The following VGLL4 variants were observed in gnomAD, a reference collection of about 807,000 sequenced individuals.
VGLL4 encodes the protein vestigial like family member 4, also known as transcription cofactor vestigial-like protein 4.
A neutral mutation model predicts 21.0 loss-of-function variants in VGLL4; 7 were observed. The ratio of observed to expected loss-of-function variants is 0.33; its 90% CI spans 0.19 to 0.63. The LOEUF (loss-of-function observed/expected upper bound fraction) is 0.63, where lower values mean the gene tolerates loss of function less well. Ranked by LOEUF, VGLL4 falls within the 20% of genes least tolerant of loss-of-function variation. The pLI, the probability that VGLL4 is intolerant of heterozygous loss-of-function variation, is 0.78. For missense variants in VGLL4, 394 were observed against 425.7 expected (o/e 0.93, Z 0.66); for synonymous variants, 222 against 173.2 (o/e 1.28, Z -2.21).
chr3:11,606,007 C>T (rs1050180720), intron 1 of VGLL4, among the ~76,000 whole-genome samples: 1 of 152,190 alleles, frequency 6.6e-6, no homozygotes, highest in African/African-American at 2.4e-5. Context: ...CTGATAAAGA[C>T]ATACCCGAGA....
rs993922275 is a variant in VGLL4, at chr3:11,568,219, A to G, written c.273-3200T>C. On this transcript the variant is annotated intron_variant, in intron 2 of 4. Transcript: ENST00000430365. The surrounding 1 kb of genome is among the most constrained non-coding windows in gnomAD (Gnocchi z 5.9). ...ATGTCCAAAGCCAAAGTCGTGGTACATAAGGCACTGCCCACCCCTCGCACC... is the reference window on the plus strand; with the variant it reads ...ATGTCCAAAGCCAAAGTCGTGGTACGTAAGGCACTGCCCACCCCTCGCACC... 6.6e-6 allele frequency among the ~76,000 whole-genome samples: 1 copy of G among 152,216 alleles called. No homozygotes were observed. Among genetic ancestry groups the G allele is most frequent in the Non-Finnish European group, 1.5e-5 (1 of 68,036 alleles).
chr3:11,663,327 G>C (rs1224583212), intron 2 of VGLL4, among the ~76,000 whole-genome samples: 2 of 152,266 alleles, frequency 1.3e-5, no homozygotes, highest in Non-Finnish European at 2.9e-5. Flanking sequence ...TACAGAATAA[G>C]TTGGCGTTTA....
chr3:11,577,864 T>C (rs185746297), intron 2 of VGLL4, among the ~76,000 whole-genome samples: 79 of 152,332 alleles, frequency 5.2e-4, no homozygotes, highest in African/African-American at 1.6e-3. Flanking sequence ...CTCGTCCAAC[T>C]ACTGAAAAGG....
At position 11,557,324 on chromosome 3, in the gene VGLL4, A is replaced by G. The variant is rs1247959862; in HGVS notation, c.*1232T>C. 6.8e-6 allele frequency: 1 copy of G among 147,048 alleles called. No individual in the cohort carries two copies. The highest frequency in any genetic ancestry group is 6.6e-5 in the Admixed American group (1 of 15,166). The allele number at this position is 147,048 out of a possible 1,614,324, so 9.1% of individuals were successfully genotyped here. On this transcript the variant is annotated 3_prime_UTR_variant, in exon 5 of 5. Transcript: ENST00000430365. ...CGTACGAGGAAGCGTATAAAACACC[A>G]TATCACAGATTGTCTGTCAGTAATC... is the stretch of plus-strand genomic sequence containing the variant.
chr3:11,580,151 A>G (rs2074184967), intron 2 of VGLL4, among the ~76,000 whole-genome samples: 1 of 152,148 alleles, frequency 6.6e-6, no homozygotes, highest in Admixed American at 6.6e-5. Flanking sequence ...CAAACTCTGC[A>G]CTCATTAAAC....
intron 1 of VGLL4, among the ~76,000 whole-genome samples, chr3:11,604,898 C>G (rs1328874663): frequency 6.9e-6 from 1 of 144,230 alleles, no homozygotes; most frequent in Non-Finnish European, 1.5e-5. Context: ...TCGAAAAAAA[C>G]AAGGGTGACC....
At chr3:11,677,900 T>A (rs2125376563) in intron 2 of VGLL4, among the ~76,000 whole-genome samples, 1 of 118,720 alleles carries the variant, frequency 8.4e-6, no homozygotes, top group African/African-American at 3.0e-5. Context: ...AGAGCAAGAC[T>A]TCGTCTTTCA....
At chr3:11,687,732 T>C (rs1197992847) in intron 2 of VGLL4, among the ~76,000 whole-genome samples, 1 of 152,208 alleles carries the variant, frequency 6.6e-6, no homozygotes. Flanking sequence ...TAGGAGGTTT[T>C]CCCCCATTTA....
At position 11,653,368 on chromosome 3, in the gene VGLL4, T is replaced by C. The variant is rs2075906423; in HGVS notation, c.64+49603A>G. Among the ~76,000 whole-genome samples the C allele has an allele frequency of 6.6e-6, 1 of 152,230 alleles. No individual in the cohort carries two copies. The highest frequency in any genetic ancestry group is 6.5e-5 in the Admixed American group (1 of 15,282). ...CGTAGATCAGTTGTATAACACTTTA[T>C]AGAAAGAGAATCGTATGATGCTAGC... is the stretch of plus-strand genomic sequence containing the variant. On this transcript the variant is annotated intron_variant, in intron 2 of 5. Coordinates refer to the VGLL4 transcript ENST00000273038. The surrounding 1 kb of genome is among the most constrained non-coding windows in gnomAD (Gnocchi z 4.2).
chr3:11,625,906 G>A (rs974979557), intron 1 of VGLL4, among the ~76,000 whole-genome samples: 2 of 152,130 alleles, frequency 1.3e-5, no homozygotes, highest in Non-Finnish European at 2.9e-5. Flanking sequence ...CGGGGGAATG[G>A]AGAGTGAAAC....
intron 1 of VGLL4, among the ~76,000 whole-genome samples, chr3:11,608,310 T>C (rs2074990956): frequency 1.3e-5 from 2 of 152,140 alleles, no homozygotes; most frequent in Admixed American, 1.3e-4. Flanking sequence ...GATAATTTTA[T>C]CTAGGCACAC....
chr3:11,643,543 G>T lies in VGLL4; in HGVS notation c.-25C>A. Reference sequence around the variant, plus strand: ...TTTATTGGGCTAGCAAAGAAAACCAGCTCTTTGCTTTTGCCCCAAAAGAGT... The same window carrying T: ...TTTATTGGGCTAGCAAAGAAAACCATCTCTTTGCTTTTGCCCCAAAAGAGT... On this transcript the variant is annotated 5_prime_UTR_variant, in exon 1 of 5. It adds an upstream start codon to the 5' untranslated region. Transcript: ENST00000430365. 1 of 1,613,784 alleles carries T rather than the reference G, an allele frequency of 6.2e-7. No homozygotes were observed.
intron 1 of VGLL4, among the ~76,000 whole-genome samples, chr3:11,717,384 A>G (rs1457560408): frequency 6.6e-6 from 1 of 151,952 alleles, no homozygotes; most frequent in East Asian, 1.9e-4. Context: ...ACAGATACCT[A>G]GAAGAGACAC....
At chr3:11,697,956 C>T (rs1431820586) in intron 2 of VGLL4, among the ~76,000 whole-genome samples, 2 of 152,230 alleles carry the variant, frequency 1.3e-5, no homozygotes, top group East Asian at 3.8e-4. Context: ...TGATCATCTG[C>T]ATATTCATTC....
chr3:11,680,833 C>G lies in VGLL4; in HGVS notation c.64+22138G>C, dbSNP rs9827311. On this transcript the variant is annotated intron_variant, in intron 2 of 5. Transcript: ENST00000273038. The stretch of plus-strand genomic sequence containing the variant: ...TGCGAGCCCTGCAAAGCAGAGATGA[C>G]GCTTCTCACCTCAGCACTTAGTATG... 5.9e-4 allele frequency among the ~76,000 whole-genome samples: 90 copies of G among 152,118 alleles called. 1 individual carries two copies. The East Asian group carries it at 0.014, about 23-fold the overall frequency.
At chr3:11,628,343 G>A (rs1378376456) in intron 1 of VGLL4, among the ~76,000 whole-genome samples, 2 of 151,422 alleles carry the variant, frequency 1.3e-5, no homozygotes, top group Admixed American at 1.3e-4. Context: ...AACCGAGATC[G>A]TGCCATTGCA....
intron 2 of VGLL4, among the ~76,000 whole-genome samples, chr3:11,680,906 G>C (rs574062444): frequency 6.6e-6 from 1 of 152,270 alleles, no homozygotes; most frequent in Non-Finnish European, 1.5e-5. Context: ...TGAGTGAATG[G>C]GAGGGTGGCG....
At chr3:11,562,523 C>A (rs1006054844) in intron 3 of VGLL4, among the ~76,000 whole-genome samples, 2 of 152,226 alleles carry the variant, frequency 1.3e-5, no homozygotes, top group African/African-American at 4.8e-5. Context: ...CTCTGAGCTG[C>A]AGGATGACAC....
At chr3:11,705,323 C>T (rs1187607254) in intron 1 of VGLL4, among the ~76,000 whole-genome samples, 1 of 152,164 alleles carries the variant, frequency 6.6e-6, no homozygotes, top group Non-Finnish European at 1.5e-5. Flanking sequence ...GCACCGGAGC[C>T]GCGGGGAGGC....
Sources: gnomAD v4.1 joint callset for allele counts (sites outside exome capture counted in the v4.1 genomes callset) on GRCh38, gnomAD v4.1.1 for gene constraint, Gnocchi (gnomAD v3.1) non-coding constraint, MANE v1.5 for transcripts, NCBI Gene and HGNC (gene_info 2026-07-23, HGNC 2026-07-21) for gene names.